Variants in LRRC37A observed in about 807,000 individuals in gnomAD.
LRRC37A encodes leucine rich repeat containing 37A.
In LRRC37A, 3 loss-of-function variants were observed where a neutral mutation model predicts 35.4. The ratio of observed to expected loss-of-function variants is 0.08; its 90% CI spans 0.04 to 0.22. The LOEUF (loss-of-function observed/expected upper bound fraction) is 0.22. Ranked by LOEUF, LRRC37A falls within the 10% of genes least tolerant of loss-of-function variation. The probability of loss-of-function intolerance (pLI) is 1.00; values close to 1 mark genes in which losing one functional copy is unlikely to be tolerated. For missense variants in LRRC37A, 67 were observed against 565.3 expected, an observed-to-expected ratio of 0.12 and a Z score of 8.94; for synonymous variants, 23 against 215.0, an observed-to-expected ratio of 0.11 and a Z score of 7.81.
chr17:46,277,070 G>T, the LRRC37A span, among the ~76,000 whole-genome samples: 2 of 152,162 alleles, frequency 1.3e-5, no homozygotes, highest in South Asian at 2.1e-4. Context: ...TTCTCAAAGT[G>T]TTGAGATCAC....
At chr17:46,290,907 G>C (rs1323247275), upstream of LRRC37A, among the ~76,000 whole-genome samples, 2 of 152,218 alleles carry the variant, frequency 1.3e-5, no homozygotes, top group African/African-American at 2.4e-5. Flanking sequence ...AAATAAGTTT[G>C]CTGTGCCTCT....
chr17:46,332,367 C>G, intron 9 of LRRC37A, among the ~76,000 whole-genome samples, 185 bp from the exon 10 acceptor site: 2 of 69,950 alleles, frequency 2.9e-5, no homozygotes, highest in African/African-American at 1.5e-4. Context: ...GTGGGAGGAT[C>G]ACCTGAGCCC....
At chr17:46,279,440 C>T in the LRRC37A span, among the ~76,000 whole-genome samples, 16,364 of 148,146 alleles carry the variant, frequency 0.11, 1 homozygote, top group Non-Finnish European at 0.17. Context: ...CACCTTGGCC[C>T]TCCAAAGTGC....
At chr17:46,257,578 C>G in the LRRC37A span, among the ~76,000 whole-genome samples, 2 of 151,794 alleles carry the variant, frequency 1.3e-5, no homozygotes, top group Admixed American at 6.6e-5. Flanking sequence ...CTTTGGGAGC[C>G]TGAAGAGGGA....
upstream of LRRC37A, among the ~76,000 whole-genome samples, chr17:46,288,572 A>G (rs547941836): frequency 6.6e-6 from 1 of 152,204 alleles, no homozygotes; most frequent in Non-Finnish European, 1.5e-5. Context: ...TCCTGAGATT[A>G]CAGGTGTGAG....
the LRRC37A span, among the ~76,000 whole-genome samples, chr17:46,274,476 A>C: frequency 6.6e-6 from 1 of 152,254 alleles, no homozygotes; most frequent in Non-Finnish European, 1.5e-5. Flanking sequence ...GTGTGTGCAC[A>C]TGTGTACATA....
the LRRC37A span, among the ~76,000 whole-genome samples, chr17:46,254,290 G>A: frequency 3.6e-5 from 5 of 139,016 alleles, no homozygotes; most frequent in Non-Finnish European, 5.0e-5. Flanking sequence ...CCAGGGACCC[G>A]GGACTCAGTG....
the LRRC37A span, among the ~76,000 whole-genome samples, chr17:46,287,624 G>T: frequency 6.6e-6 from 1 of 152,262 alleles, no homozygotes; most frequent in East Asian, 1.9e-4. Context: ...ATGGAATATG[G>T]CATGGGCCAC....
At chr17:46,253,007 C>T in the LRRC37A span, among the ~76,000 whole-genome samples, 27 of 143,596 alleles carry the variant, frequency 1.9e-4, 1 homozygote, top group African/African-American at 7.4e-4. Context: ...GACTGCCGGG[C>T]GGAGGGGCTC....
chr17:46,263,549 TCA>T, the LRRC37A span, among the ~76,000 whole-genome samples: 1 of 44,996 alleles, frequency 2.2e-5, no homozygotes, highest in African/African-American at 7.2e-5. Flanking sequence ...AGACTCTGTC[TCA>T]AAAAAAAAAA....
chr17:46,265,273 CT>C, the LRRC37A span, among the ~76,000 whole-genome samples: 2 of 68,760 alleles, frequency 2.9e-5, no homozygotes, highest in African/African-American at 8.7e-5. Flanking sequence ...TCTTCTTCTT[CT>C]TCTTCTTCTT....
At chr17:46,286,568 A>G in the LRRC37A span, among the ~76,000 whole-genome samples, 1 of 152,256 alleles carries the variant, frequency 6.6e-6, no homozygotes, top group South Asian at 2.1e-4. Context: ...CAAATCTACC[A>G]TTAAACCACA....
At chr17:46,277,449 C>A in the LRRC37A span, among the ~76,000 whole-genome samples, 7 of 152,084 alleles carry the variant, frequency 4.6e-5, no homozygotes, top group Non-Finnish European at 7.3e-5. Context: ...AAGGCCTTTC[C>A]AATTTAAAAA....
the LRRC37A span, among the ~76,000 whole-genome samples, chr17:46,265,351 TCTCCTC>T: frequency 2.1e-5 from 3 of 145,376 alleles, no homozygotes; most frequent in South Asian, 6.5e-4. Context: ...TTCTTCTTCT[TCTCCTC>T]CTTCTCCTTC....
At chr17:46,270,501 A>G in the LRRC37A span, among the ~76,000 whole-genome samples, 1 of 152,242 alleles carries the variant, frequency 6.6e-6, no homozygotes, top group Non-Finnish European at 1.5e-5. Flanking sequence ...CAGATGCATT[A>G]TTGCATGATA....
upstream of LRRC37A, among the ~76,000 whole-genome samples, chr17:46,291,895 A>G (rs1426998035): frequency 1.4e-5 from 2 of 144,544 alleles, no homozygotes; most frequent in African/African-American, 5.1e-5. Flanking sequence ...GGGTAGGGGG[A>G]GGCTGCGATG....
the LRRC37A span, among the ~76,000 whole-genome samples, chr17:46,267,885 T>TTC: frequency 1.4e-5 from 2 of 138,568 alleles, no homozygotes; most frequent in African/African-American, 2.8e-5. Flanking sequence ...GAATACCCAC[T>TTC]CCCACATCTT....
the LRRC37A span, among the ~76,000 whole-genome samples, chr17:46,276,028 T>A: frequency 1.3e-5 from 2 of 152,242 alleles, no homozygotes; most frequent in East Asian, 3.9e-4. Flanking sequence ...GTAGCTGGGA[T>A]TACAGGTGCC....
chr17:46,268,733 G>A, the LRRC37A span: 16 of 1,356,982 alleles, frequency 1.2e-5, no homozygotes, highest in South Asian at 3.4e-5. Context: ...AAGAGACATC[G>A]GCAACAAGAC....
Sources: gnomAD v4.1 joint callset for allele counts (sites outside exome capture counted in the v4.1 genomes callset) on GRCh38, gnomAD v4.1.1 for gene constraint, MANE v1.5 for transcripts, NCBI Gene and HGNC (gene_info 2026-07-23, HGNC 2026-07-21) for gene names.